DLGAP1: variants seen among roughly 807,000 people sequenced by gnomAD.
DLGAP1 encodes disks large-associated protein 1.
In DLGAP1, 11 loss-of-function variants were observed where a neutral mutation model predicts 90.8. The observed-to-expected ratio is 0.12, with a 90% CI of 0.08 to 0.20. The LOEUF (loss-of-function observed/expected upper bound fraction) is 0.20. Ranked by LOEUF, DLGAP1 falls within the 10% of genes least tolerant of loss-of-function variation. The pLI is 1.00. For missense variants in DLGAP1, 1,050 were observed against 1,333.8 expected (o/e 0.79, Z 3.31); for synonymous variants, 558 against 540.7 (o/e 1.03, Z -0.44).
chr18:4,217,162 C>A (rs1278272583), intron 1 of DLGAP1, among the ~76,000 whole-genome samples: 1 of 152,076 alleles, frequency 6.6e-6, no homozygotes, highest in Non-Finnish European at 1.5e-5. Flanking sequence ...TGCCTCCTTT[C>A]ACTTAGCCGT....
At chr18:3,607,724 GTTGT>G (rs1390123100) in intron 7 of DLGAP1, 1 of 152,080 alleles carries the variant, frequency 6.6e-6, no homozygotes, top group Non-Finnish European at 1.5e-5. Context: ...GGCAAACATG[GTTGT>G]TTGCCTCCTC....
At chr18:4,367,217 T>C (rs2081795435) in intron 1 of DLGAP1, among the ~76,000 whole-genome samples, 1 of 151,200 alleles carries the variant, frequency 6.6e-6, no homozygotes, top group Non-Finnish European at 1.5e-5. Flanking sequence ...GCAACATAGA[T>C]GCATTAAAAG....
intron 1 of DLGAP1, among the ~76,000 whole-genome samples, chr18:4,375,996 C>A (rs2082005775): frequency 6.6e-6 from 1 of 152,060 alleles, no homozygotes; most frequent in Non-Finnish European, 1.5e-5. Context: ...ATTTATAATG[C>A]ACCTCTATTT....
intron 1 of DLGAP1, among the ~76,000 whole-genome samples, chr18:4,355,187 G>A (rs2081482211): frequency 6.6e-6 from 1 of 152,158 alleles, no homozygotes; most frequent in African/African-American, 2.4e-5. Context: ...AATGTTCATG[G>A]CAGCTTTACT....
At chr18:3,701,864 G>A (rs1337189531) in intron 7 of DLGAP1, among the ~76,000 whole-genome samples, 4 of 152,196 alleles carry the variant, frequency 2.6e-5, no homozygotes, top group African/African-American at 7.2e-5. Context: ...CAAGAGTCAA[G>A]AGTGAGAAGA....
At chr18:4,356,018 T>A (rs2081505893) in intron 1 of DLGAP1, among the ~76,000 whole-genome samples, 1 of 151,728 alleles carries the variant, frequency 6.6e-6, no homozygotes, top group Non-Finnish European at 1.5e-5. Context: ...ACCAATGACA[T>A]CTATGTTCCT....
intron 2 of DLGAP1, among the ~76,000 whole-genome samples, chr18:4,127,894 A>G (rs1461395083): frequency 1.3e-5 from 2 of 152,226 alleles, no homozygotes; most frequent in African/African-American, 4.8e-5. Flanking sequence ...TTCATTTTAC[A>G]TGGTTCAACA....
chr18:4,377,595 T>C (rs902675571), intron 1 of DLGAP1, among the ~76,000 whole-genome samples: 1 of 152,132 alleles, frequency 6.6e-6, no homozygotes, highest in Non-Finnish European at 1.5e-5. Context: ...TTCAGTCACT[T>C]ACAAAAAAAT....
At chr18:4,034,544 T>G (rs1220286924) in intron 2 of DLGAP1, among the ~76,000 whole-genome samples, 2 of 152,232 alleles carry the variant, frequency 1.3e-5, no homozygotes, top group Non-Finnish European at 2.9e-5. Context: ...TGGTGGCTCC[T>G]GAAAAGATCT....
chr18:4,370,190 A>G (rs1271047549), intron 1 of DLGAP1, among the ~76,000 whole-genome samples: 1 of 152,214 alleles, frequency 6.6e-6, no homozygotes, highest in Non-Finnish European at 1.5e-5. Flanking sequence ...GAGAGGGAGA[A>G]GCAATATGAA....
intron 1 of DLGAP1, among the ~76,000 whole-genome samples, chr18:4,389,637 T>C (rs981470565): frequency 6.6e-6 from 1 of 152,340 alleles, no homozygotes; most frequent in Non-Finnish European, 1.5e-5. Flanking sequence ...TTCTTTATCT[T>C]CATGGATTAT....
At chr18:3,554,698 T>C (rs1017257374) in intron 9 of DLGAP1, among the ~76,000 whole-genome samples, 3 of 152,256 alleles carry the variant, frequency 2.0e-5, no homozygotes, top group African/African-American at 7.2e-5. Context: ...TTTTAGTTTT[T>C]ACTAATGAGT....
intron 2 of DLGAP1, among the ~76,000 whole-genome samples, chr18:4,070,814 G>A (rs1308097505): frequency 1.3e-5 from 2 of 152,024 alleles, no homozygotes; most frequent in Non-Finnish European, 2.9e-5. Flanking sequence ...GTTAAAAGTC[G>A]TGTTGAGAGA....
At chr18:4,242,117 C>T (rs1217024845) in intron 1 of DLGAP1, among the ~76,000 whole-genome samples, 1 of 152,020 alleles carries the variant, frequency 6.6e-6, no homozygotes, top group Non-Finnish European at 1.5e-5. Context: ...TCCTCAAAGC[C>T]CTCGACCTAG....
At chr18:4,028,390 C>T (rs1054203613) in intron 2 of DLGAP1, among the ~76,000 whole-genome samples, 2 of 152,216 alleles carry the variant, frequency 1.3e-5, no homozygotes, top group African/African-American at 4.8e-5. Context: ...AGCCTCCTGA[C>T]TTGCTTGTGC....
chr18:3,814,552 G>T (rs1025075327), intron 4 of DLGAP1, among the ~76,000 whole-genome samples: 10 of 151,766 alleles, frequency 6.6e-5, no homozygotes, highest in African/African-American at 2.4e-4. Flanking sequence ...CAGTAGAGAC[G>T]GGGTTTCACC....
chr18:3,618,987 A>G (rs925529678), intron 7 of DLGAP1, among the ~76,000 whole-genome samples: 6 of 152,062 alleles, frequency 3.9e-5, no homozygotes, highest in African/African-American at 1.4e-4. Flanking sequence ...TTAGGGTCAT[A>G]ATCCAATATG....
At chr18:4,249,152 T>G (rs1240469150) in intron 1 of DLGAP1, among the ~76,000 whole-genome samples, 1 of 152,190 alleles carries the variant, frequency 6.6e-6, no homozygotes, top group Non-Finnish European at 1.5e-5. Flanking sequence ...ATGCCTTATA[T>G]GTTGTAATCA....
intron 1 of DLGAP1, among the ~76,000 whole-genome samples, chr18:4,154,775 GT>G (rs1444274880): frequency 1.3e-5 from 2 of 152,128 alleles, no homozygotes; most frequent in East Asian, 3.9e-4. Context: ...AGCCAGGTTA[GT>G]ATGAGGAACA....
Sources: gnomAD v4.1 joint callset for allele counts (sites outside exome capture counted in the v4.1 genomes callset) on GRCh38, gnomAD v4.1.1 for gene constraint, MANE v1.5 for transcripts, NCBI Gene and HGNC (gene_info 2026-07-23, HGNC 2026-07-21) for gene names.